CDC42SE2: variants seen among roughly 807,000 people sequenced by gnomAD.
CDC42SE2 encodes the protein CDC42 small effector 2.
Under a neutral mutation model 11.5 loss-of-function variants are expected in CDC42SE2, and 3 were observed. The observed-to-expected ratio is 0.26, with a 90% CI of 0.12 to 0.67. The LOEUF is 0.67. Among genes scored for constraint, CDC42SE2 ranks in the 30% least tolerant of loss-of-function variants. CDC42SE2 has a pLI of 0.80. For synonymous variants in CDC42SE2, 33 were observed against 34.8 expected, an observed-to-expected ratio of 0.95 and a Z score of 0.18; for missense variants, 82 against 106.8, an observed-to-expected ratio of 0.77 and a Z score of 1.02.
intron 1 of CDC42SE2, among the ~76,000 whole-genome samples, chr5:131,287,150 A>G (rs911668658): frequency 6.6e-6 from 1 of 152,252 alleles, no homozygotes; most frequent in South Asian, 2.1e-4. Flanking sequence ...GCCCGCCACC[A>G]TGCCCAGCTA....
At chr5:131,235,831 G>T in the CDC42SE2 span, among the ~76,000 whole-genome samples, 10 of 150,746 alleles carry the variant, frequency 6.6e-5, no homozygotes, top group South Asian at 2.1e-3. Context: ...CTGACCTGGT[G>T]GATCCGCCTG....
At chr5:131,291,278 C>T (rs1025441503) in intron 1 of CDC42SE2, among the ~76,000 whole-genome samples, 18 of 151,910 alleles carry the variant, frequency 1.2e-4, no homozygotes, top group African/African-American at 4.1e-4. Context: ...TGGTTCCCTA[C>T]CCTGGCAGTA....
upstream of CDC42SE2, among the ~76,000 whole-genome samples, chr5:131,243,165 T>G (rs1756553726): frequency 6.6e-6 from 1 of 152,240 alleles, no homozygotes; most frequent in Non-Finnish European, 1.5e-5. Context: ...AGTCCATTTG[T>G]GCAGATGAGT....
chr5:131,234,062 T>A, the CDC42SE2 span, among the ~76,000 whole-genome samples: 10 of 152,132 alleles, frequency 6.6e-5, no homozygotes, highest in Non-Finnish European at 1.3e-4. Context: ...GAAAAAAAAA[T>A]TCTGTTGTAT....
intron 1 of CDC42SE2, among the ~76,000 whole-genome samples, chr5:131,304,226 C>T (rs1757737769): frequency 6.6e-6 from 1 of 152,088 alleles, no homozygotes; most frequent in African/African-American, 2.4e-5. Context: ...CCAAACAATC[C>T]TCCCGCCCTG....
At chr5:131,364,977 A>T (rs13162076) in intron 3 of CDC42SE2, among the ~76,000 whole-genome samples, 1 of 152,044 alleles carries the variant, frequency 6.6e-6, no homozygotes, top group Non-Finnish European at 1.5e-5. Flanking sequence ...TTGCTATAAG[A>T]CCTTAGACAT....
chr5:131,353,754 C>G (rs1274007592), intron 2 of CDC42SE2, among the ~76,000 whole-genome samples: 3 of 151,548 alleles, frequency 2.0e-5, no homozygotes, highest in East Asian at 3.9e-4. Flanking sequence ...AAAAAAAATA[C>G]AAAAATTAGC....
At chr5:131,288,596 A>G (rs1472852886) in intron 1 of CDC42SE2, among the ~76,000 whole-genome samples, 1 of 152,156 alleles carries the variant, frequency 6.6e-6, no homozygotes, top group Non-Finnish European at 1.5e-5. Flanking sequence ...CTGGCTTCAG[A>G]TGATCCTTCT....
In CDC42SE2 at chr5:131,391,055, T is replaced by C. The variant is rs769462378; in HGVS notation, c.219T>C (p.Asn73=). The C allele has an allele frequency of 1.2e-5, 19 of 1,613,302 alleles. No homozygotes were observed. The highest frequency in any genetic ancestry group is 1.7e-4 in the Middle Eastern group (1 of 6,056). Residue 73 remains asparagine, a synonymous_variant, in exon 5 of 5, where the codon AAT becomes AAC. Coordinates refer to ENST00000505065, the MANE Select transcript of CDC42SE2 (RefSeq NM_001375635.1). ...KGGYGGGMPA[N]VQMQLVDTKA... is the part of the protein sequence containing the mutation. ...GTTATGGAGGTGGAATGCCTGCCAA[T>C]GTCCAGATGCAGCTCGTGGATACGA...
chr5:131,308,084 C>T (rs571120361), intron 1 of CDC42SE2, among the ~76,000 whole-genome samples: 3 of 152,064 alleles, frequency 2.0e-5, no homozygotes, highest in South Asian at 2.1e-4. Flanking sequence ...AGAGGTCAAA[C>T]GTTTAAGTCT....
At chr5:131,224,976 CAG>C in the CDC42SE2 span, among the ~76,000 whole-genome samples, 11 of 151,898 alleles carry the variant, frequency 7.2e-5, no homozygotes, top group African/African-American at 2.4e-4. Flanking sequence ...GACTGGAAGA[CAG>C]GGAATGGGGG....
chr5:131,282,929 C>T (rs1757267476), intron 1 of CDC42SE2, among the ~76,000 whole-genome samples: 1 of 127,246 alleles, frequency 7.9e-6, no homozygotes, highest in South Asian at 2.6e-4. Context: ...GCACCTGGCC[C>T]TTTTTTTTTT....
intron 3 of CDC42SE2, among the ~76,000 whole-genome samples, chr5:131,384,251 A>C (rs946336982): frequency 1.3e-4 from 20 of 152,208 alleles, no homozygotes; most frequent in Admixed American, 3.3e-4. Context: ...GGACAGTAAA[A>C]CAATGTATAT....
At chr5:131,379,926 T>C (rs1750269164) in intron 3 of CDC42SE2, among the ~76,000 whole-genome samples, 1 of 152,008 alleles carries the variant, frequency 6.6e-6, no homozygotes, top group Non-Finnish European at 1.5e-5. Flanking sequence ...TCTTTTTTTT[T>C]CTTTTGAAAC....
At chr5:131,224,759 T>C in the CDC42SE2 span, among the ~76,000 whole-genome samples, 18 of 152,004 alleles carry the variant, frequency 1.2e-4, no homozygotes, top group Non-Finnish European at 2.9e-5. Flanking sequence ...AGGCTCAACA[T>C]TGCCTCTTTT....
At chr5:131,211,081 C>T in the CDC42SE2 span, among the ~76,000 whole-genome samples, 1 of 152,202 alleles carries the variant, frequency 6.6e-6, no homozygotes, top group African/African-American at 2.4e-5. Context: ...AAGTGATCCG[C>T]CCTCCTCGGC....
upstream of CDC42SE2, among the ~76,000 whole-genome samples, chr5:131,259,942 C>T (rs988444002): frequency 1.5e-4 from 23 of 152,330 alleles, no homozygotes; most frequent in Admixed American, 9.2e-4. Flanking sequence ...AAACATTATA[C>T]TATATTGATG....
intron 1 of CDC42SE2, among the ~76,000 whole-genome samples, chr5:131,250,297 CAAAAT>C (rs1193140364): frequency 6.6e-6 from 1 of 152,036 alleles, no homozygotes; most frequent in African/African-American, 2.4e-5. Flanking sequence ...ATACAACAAT[CAAAAT>C]AAGTAATTTA....
At chr5:131,303,870 A>C (rs1757730774) in intron 1 of CDC42SE2, among the ~76,000 whole-genome samples, 1 of 152,108 alleles carries the variant, frequency 6.6e-6, no homozygotes, top group Non-Finnish European at 1.5e-5. Context: ...TCTTGTCTTC[A>C]TAGCAATATG....
Sources: gnomAD v4.1 joint callset for allele counts (sites outside exome capture counted in the v4.1 genomes callset) on GRCh38, gnomAD v4.1.1 for gene constraint, MANE v1.5 for transcripts, NCBI Gene and HGNC (gene_info 2026-07-23, HGNC 2026-07-21) for gene names.